LYVE1: variants seen among roughly 807,000 people sequenced by gnomAD.
The protein encoded by LYVE1 is lymphatic vessel endothelial hyaluronic acid receptor 1.
LYVE1 carries 29 observed loss-of-function variants against 31.5 expected under a neutral mutation model. That is an observed-to-expected ratio of 0.92 (90% confidence interval 0.69 to 1.26). The LOEUF is 1.26. Ranked by LOEUF, LYVE1 falls within the 50% of genes most tolerant of loss-of-function variation. LYVE1 has a pLI of 0.00. For missense variants in LYVE1, 376 were observed against 380.2 expected (o/e 0.99, Z 0.09); for synonymous variants, 134 against 139.4 (o/e 0.96, Z 0.27).
intron 1 of LYVE1, among the ~76,000 whole-genome samples, chr11:10,567,936 A>T (rs1199417759): frequency 6.6e-6 from 1 of 152,188 alleles, no homozygotes; most frequent in Admixed American, 6.5e-5. Context: ...GTTACCCATT[A>T]TTCCCAAGCT....
chr11:10,559,180 A>G lies in LYVE1; in HGVS notation c.900T>C (p.Thr300=), dbSNP rs777581228. 6.2e-7 allele frequency: 1 copy of G among 1,613,926 alleles called. No individual in the cohort carries two copies. The highest frequency in any genetic ancestry group is 1.3e-5 in the African/African-American group (1 of 74,884). The part of the protein sequence containing the change: ...DSNPNEESKK[T]DKNPEESKSP... ...TCTTGGACTCTTCTGGGTTTTTATCAGTTTTCTTTGATTCCTCATTAGGGT... is the reference window on the plus strand; with the variant it reads ...TCTTGGACTCTTCTGGGTTTTTATCGGTTTTCTTTGATTCCTCATTAGGGT... Residue 300 remains threonine, a synonymous_variant, in exon 6 of 6, where the codon ACT becomes ACC. Transcript: ENST00000256178.
intron 3 of LYVE1, among the ~76,000 whole-genome samples, chr11:10,562,668 G>T (rs923597446): frequency 1.3e-5 from 2 of 152,164 alleles, no homozygotes; most frequent in African/African-American, 2.4e-5. Context: ...TTTAGTAAAA[G>T]AAAAACTTTA....
chr11:10,568,160 C>CA (rs1564880240), intron 1 of LYVE1, among the ~76,000 whole-genome samples: 1 of 152,120 alleles, frequency 6.6e-6, no homozygotes, highest in South Asian at 2.1e-4. Context: ...ACCACCCATA[C>CA]AAAAAAGAGT....
At chr11:10,565,934 C>A (rs1055267776) in intron 1 of LYVE1, among the ~76,000 whole-genome samples, 2 of 152,154 alleles carry the variant, frequency 1.3e-5, no homozygotes, top group Non-Finnish European at 2.9e-5. Context: ...CCTCATTCTC[C>A]CAAGTAGCTG....
intron 3 of LYVE1, among the ~76,000 whole-genome samples, chr11:10,562,196 C>G (rs1435238983): frequency 6.6e-6 from 1 of 152,150 alleles, no homozygotes; most frequent in African/African-American, 2.4e-5. Context: ...ATGAGGTATG[C>G]AGGCATATGT....
At position 10,558,788 on chromosome 11, in the gene LYVE1, G is replaced by C; in HGVS notation, c.*323C>G. On this transcript the variant is annotated 3_prime_UTR_variant, in exon 6 of 6. Transcript: ENST00000256178. The stretch of plus-strand genomic sequence containing the variant: ...CAGCCAGGAGGCCTTTTTACCACTG[G>C]ATACTGATGAGATGTTTTAGGTCCT... The C allele has an allele frequency of 4.3e-6, 1 of 230,138 alleles. No individual in the cohort carries two copies. The highest frequency in any genetic ancestry group is 8.4e-6 in the Non-Finnish European group (1 of 119,566). 14.3% of individuals were successfully genotyped at this position (230,138 alleles called of 1,614,324 possible).
At chr11:10,563,880 G>A in intron 3 of LYVE1, 60 bp downstream of exon 3, 1 of 1,594,994 alleles carries the variant, frequency 6.3e-7, no homozygotes, top group Non-Finnish European at 8.6e-7. Flanking sequence ...TTCCCAGACA[G>A]GTCTCAGAGT....
chr11:10,565,497 G>A (rs752529618), intron 1 of LYVE1, among the ~76,000 whole-genome samples: 7 of 152,132 alleles, frequency 4.6e-5, no homozygotes, highest in Non-Finnish European at 1.0e-4. Context: ...TCTGTGTATT[G>A]GATGCTCAGT....
rs1390254942 is a variant in LYVE1 at position 10,559,272 on chromosome 11, T to G, written c.808A>C (p.Asn270His). The G allele has an allele frequency of 6.2e-7, 1 of 1,613,942 alleles. No individual in the cohort carries two copies. The highest frequency in any genetic ancestry group is 1.3e-5 in the African/African-American group (1 of 74,906). The change falls in exon 6 of 6, where the codon AAC (asparagine) becomes CAC (histidine). Residue 270 changes from asparagine (N) to histidine (H), a missense_variant. Physicochemically the swap from Asn to His is moderately conservative, Grantham distance 68. Transcript: ENST00000256178. ...KRYVKAFPFT[N>H]KNQQKEMIET... ...ATCATTTCCTTCTGCTGATTCTTGT[T>G]TGTAAAAGGGAAGGCCTTCACATAC...
intron 3 of LYVE1, 131 bp downstream of exon 3, chr11:10,563,809 A>T: frequency 8.6e-7 from 1 of 1,158,570 alleles, no homozygotes; most frequent in Non-Finnish European, 1.3e-6. Context: ...CCAGAGAGAC[A>T]GTGTCGGGAG....
At chr11:10,567,902 A>C (rs1037260596) in intron 1 of LYVE1, among the ~76,000 whole-genome samples, 2 of 152,248 alleles carry the variant, frequency 1.3e-5, no homozygotes, top group African/African-American at 2.4e-5. Context: ...CAAAAAACAT[A>C]AAAACAGGCC....
At chr11:10,563,242 C>T (rs1304804324) in intron 3 of LYVE1, among the ~76,000 whole-genome samples, 3 of 152,100 alleles carry the variant, frequency 2.0e-5, no homozygotes, top group Non-Finnish European at 1.5e-5. Context: ...AGCCACTGTG[C>T]CCGGCCTGAA....
intron 3 of LYVE1, among the ~76,000 whole-genome samples, chr11:10,563,489 TGTA>T (rs1361427008): frequency 4.6e-5 from 7 of 152,230 alleles, no homozygotes; most frequent in African/African-American, 1.7e-4. Flanking sequence ...GGAGGATGTG[TGTA>T]GGTTATATGC....
At chr11:10,559,364 C>T in intron 5 of LYVE1, 67 bp from the exon 6 acceptor site, 1 of 1,335,220 alleles carries the variant, frequency 7.5e-7, no homozygotes, top group Non-Finnish European at 1.1e-6. Context: ...CACTTTTTGG[C>T]CATGGTACAT....
chr11:10,561,712 A>G (rs1358176782), intron 3 of LYVE1, among the ~76,000 whole-genome samples: 1 of 152,254 alleles, frequency 6.6e-6, no homozygotes, highest in Non-Finnish European at 1.5e-5. Context: ...TAACTCGCCC[A>G]AAGTCACAGA....
chr11:10,567,425 C>A (rs567349134), intron 1 of LYVE1, among the ~76,000 whole-genome samples: 24 of 152,288 alleles, frequency 1.6e-4, no homozygotes, highest in African/African-American at 4.8e-4. Context: ...AAAATAGTCT[C>A]CCCAGAGGAT....
chr11:10,560,360 G>A, intron 4 of LYVE1, 135 bp downstream of exon 4: 1 of 725,506 alleles, frequency 1.4e-6, no homozygotes, highest in Non-Finnish European at 2.2e-6. Flanking sequence ...CTTCATGAAA[G>A]TTGAGTTTGT....
chr11:10,558,526 T>C lies in LYVE1; in HGVS notation c.*585A>G, dbSNP rs1196798884. On this transcript the variant is annotated 3_prime_UTR_variant, in exon 6 of 6. Coordinates refer to ENST00000256178, the MANE Select transcript of LYVE1 (RefSeq NM_006691.4). ...ACAGTGTACTGTCGTATCCTCAGCCTTGTTCTATTTCTTTATTTTAGCTTT... is the reference window on the plus strand; with the variant it reads ...ACAGTGTACTGTCGTATCCTCAGCCCTGTTCTATTTCTTTATTTTAGCTTT... 3 of 152,320 alleles carry C rather than the reference T, an allele frequency of 2.0e-5. No individual in the cohort carries two copies. The highest frequency in any genetic ancestry group is 2.0e-4 in the Admixed American group (3 of 15,286). 9.4% of individuals were successfully genotyped at this position (152,320 alleles called of 1,614,324 possible).
chr11:10,568,499 T>C lies in LYVE1; in HGVS notation c.34A>G (p.Thr12Ala), dbSNP rs145001787. The change falls in exon 1 of 6, where the codon ACT becomes GCT. Residue 12 changes from threonine (T) to alanine (A), a missense_variant. Coordinates refer to ENST00000256178, the MANE Select transcript of LYVE1 (RefSeq NM_006691.4). Reference protein sequence around the residue: ...ARCFSLVLLLTSIWTTRLLVQ... With the variant: ...ARCFSLVLLLASIWTTRLLVQ... The stretch of plus-strand genomic sequence containing the variant: ...AGGAGCCTCGTGGTCCAGATGGAAG[T>C]GAGAAGCAACACCAGGCTGAAGCAC... 67 of 1,613,970 alleles carry C rather than the reference T, an allele frequency of 4.2e-5. No individual in the cohort carries two copies. The African/African-American group carries it at 6.0e-4, about 14-fold the overall frequency.
Sources: allele counts gnomAD v4.1 joint callset (sites outside exome capture counted in the v4.1 genomes callset), GRCh38; gene constraint gnomAD v4.1.1; transcripts MANE v1.5; gene names NCBI Gene and HGNC (gene_info 2026-07-23, HGNC 2026-07-21).